Variants in PLXNA2 observed in about 807,000 individuals in gnomAD.
PLXNA2 encodes plexin-A2.
A neutral mutation model predicts 193.5 loss-of-function variants in PLXNA2; 91 were observed. That is an observed-to-expected ratio of 0.47 (90% CI 0.40 to 0.56). PLXNA2 has a LOEUF of 0.56. Among genes scored for constraint, PLXNA2 ranks in the 20% least tolerant of loss-of-function variants. The probability of loss-of-function intolerance (pLI) is 0.00; values close to 1 mark genes in which losing one functional copy is unlikely to be tolerated. For missense variants in PLXNA2, 1,995 were observed against 2,503.2 expected, an observed-to-expected ratio of 0.80 and a Z score of 4.33; for synonymous variants, 997 against 1,027.3, an observed-to-expected ratio of 0.97 and a Z score of 0.56.
rs183818015 is a variant in PLXNA2, at chr1:208,039,595, G to A, written c.4500+26C>T. The A allele has an allele frequency of 5.2e-4, 845 of 1,612,158 alleles. 8 individuals are homozygous for A. In the East Asian group the frequency reaches 5.6e-3, roughly 11 times the overall value. ...GGGCAGAAGTAGAAGATACACAGGC[G>A]GGCCCGGAGCTTCCGGCTTCCTCAC... is the stretch of plus-strand genomic sequence containing the variant. On this transcript the variant is annotated intron_variant, in intron 24 of 31. Coordinates refer to ENST00000367033, the MANE Select transcript of PLXNA2 (RefSeq NM_025179.4).
At chr1:208,161,768 T>G (rs1473926136) in intron 3 of PLXNA2, among the ~76,000 whole-genome samples, 3 of 152,186 alleles carry the variant, frequency 2.0e-5, no homozygotes, top group African/African-American at 7.2e-5. Flanking sequence ...TCTCATCACA[T>G]TCATCTCCAG....
At chr1:208,077,374 C>G (rs376906142) in intron 12 of PLXNA2, among the ~76,000 whole-genome samples, 1 of 152,146 alleles carries the variant, frequency 6.6e-6, no homozygotes, top group East Asian at 1.9e-4. Context: ...CAGAGCAGCC[C>G]GTCAGCCCCC....
chr1:208,137,623 G>T (rs1668342540), intron 4 of PLXNA2, among the ~76,000 whole-genome samples: 1 of 152,206 alleles, frequency 6.6e-6, no homozygotes, highest in Non-Finnish European at 1.5e-5. Context: ...TCTCAGTGGA[G>T]CACCTGGGCA....
At chr1:208,133,251 A>G (rs144575924) in intron 4 of PLXNA2, among the ~76,000 whole-genome samples, 63 of 152,338 alleles carry the variant, frequency 4.1e-4, no homozygotes, top group African/African-American at 1.3e-3. Context: ...AATACATAGT[A>G]CATCTCTTCT....
intron 3 of PLXNA2, among the ~76,000 whole-genome samples, chr1:208,177,939 T>C (rs185926315): frequency 2.6e-4 from 39 of 152,374 alleles, no homozygotes; most frequent in Admixed American, 5.2e-4. Flanking sequence ...TGGTTATCTG[T>C]GTACAGTGTG....
intron 22 of PLXNA2, among the ~76,000 whole-genome samples, chr1:208,040,954 C>T (rs1380410033): frequency 1.3e-5 from 2 of 152,200 alleles, no homozygotes; most frequent in Non-Finnish European, 2.9e-5. Flanking sequence ...TTTTAACTCC[C>T]TGCACGTGGT....
chr1:208,126,565 T>C (rs2102458122), intron 4 of PLXNA2, among the ~76,000 whole-genome samples: 1 of 152,298 alleles, frequency 6.6e-6, no homozygotes, highest in East Asian at 1.9e-4. Context: ...TGCAAGAACC[T>C]GATGGAGTGG....
intron 3 of PLXNA2, among the ~76,000 whole-genome samples, chr1:208,194,285 G>A (rs1259562379): frequency 6.6e-6 from 1 of 151,632 alleles, no homozygotes; most frequent in Non-Finnish European, 1.5e-5. Context: ...GAGCTGATCT[G>A]GGGGAAAGGG....
chr1:208,038,623 T>C lies in PLXNA2; in HGVS notation c.4661-149A>G. 1 of 790,578 alleles carries C rather than the reference T, an allele frequency of 1.3e-6. No homozygotes were observed. The allele number at this position is 790,578 out of a possible 1,614,324, so 49.0% of individuals were successfully genotyped here. Reference sequence around the variant, plus strand: ...GAGGCTAGAGACATCTAGGGCTCCATGGGCCCAGGCAGCAGAGGAAACACG... The same window carrying C: ...GAGGCTAGAGACATCTAGGGCTCCACGGGCCCAGGCAGCAGAGGAAACACG... On this transcript the variant is annotated intron_variant, in intron 25 of 31. Coordinates refer to ENST00000367033, the MANE Select transcript of PLXNA2 (RefSeq NM_025179.4). The surrounding 1 kb of genome is among the most constrained non-coding windows in gnomAD (Gnocchi z 4.1).
At chr1:208,172,801 G>C (rs190641709) in intron 3 of PLXNA2, among the ~76,000 whole-genome samples, 2 of 152,288 alleles carry the variant, frequency 1.3e-5, no homozygotes, top group Non-Finnish European at 1.5e-5. Flanking sequence ...GGACACTTTT[G>C]GGCAGCATTA....
At position 208,045,973 on chromosome 1, in the gene PLXNA2, CGTT is replaced by C. The variant is rs750823577; in HGVS notation, c.3397_3399del (p.Asn1133del). 2.5e-6 allele frequency: 4 copies of C among 1,614,076 alleles called. No individual in the cohort carries two copies. Among genetic ancestry groups the C allele is most frequent in the Admixed American group, 1.7e-5 (1 of 60,012 alleles). On this transcript the variant is annotated inframe_deletion, in exon 18 of 32. Coordinates refer to ENST00000367033, the MANE Select transcript of PLXNA2 (RefSeq NM_025179.4). ...TTGGGGTAGTAGATAAACTTGGTGT[CGTT>C]GTAAATTAGCAAGGATTGGACATTG...
At chr1:208,118,881 G>A (rs1307222120) in intron 4 of PLXNA2, among the ~76,000 whole-genome samples, 1 of 152,118 alleles carries the variant, frequency 6.6e-6, no homozygotes, top group African/African-American at 2.4e-5. Flanking sequence ...TAATTTTGGA[G>A]TCATAACTGA....
At chr1:208,135,147 G>A (rs920241984) in intron 4 of PLXNA2, among the ~76,000 whole-genome samples, 1 of 151,916 alleles carries the variant, frequency 6.6e-6, no homozygotes, top group Non-Finnish European at 1.5e-5. Flanking sequence ...AAACAATGCA[G>A]AGAATTTCTT....
chr1:208,035,914 G>T (rs1259876676), intron 26 of PLXNA2, among the ~76,000 whole-genome samples: 1 of 152,192 alleles, frequency 6.6e-6, no homozygotes, highest in Non-Finnish European at 1.5e-5. Flanking sequence ...CTATAAATCT[G>T]CAGAAGCCTG....
intron 4 of PLXNA2, 146 bp from the exon 5 acceptor site, chr1:208,103,393 C>T (rs1667162204): frequency 3.3e-6 from 2 of 613,342 alleles, no homozygotes; most frequent in Admixed American, 6.1e-5. Context: ...CCTCAATGTC[C>T]CCAATCTCTT....
At chr1:208,035,713 T>G (rs1312001252) in intron 26 of PLXNA2, among the ~76,000 whole-genome samples, 3 of 152,184 alleles carry the variant, frequency 2.0e-5, no homozygotes, top group Non-Finnish European at 4.4e-5. Flanking sequence ...TTTTAACAAT[T>G]TTTATGAACT....
At chr1:208,142,499 C>T (rs1430771174) in intron 3 of PLXNA2, 36 bp from the exon 4 acceptor site, 1 of 1,563,308 alleles carries the variant, frequency 6.4e-7, no homozygotes. Context: ...AGCATCTGCC[C>T]TCAGTATTCC....
At chr1:208,056,128 G>T (rs936375443) in intron 13 of PLXNA2, among the ~76,000 whole-genome samples, 1 of 152,234 alleles carries the variant, frequency 6.6e-6, no homozygotes, top group East Asian at 1.9e-4. Flanking sequence ...TGTGGTTAAC[G>T]ACTCTCTCAT....
intron 14 of PLXNA2, among the ~76,000 whole-genome samples, chr1:208,053,369 C>T (rs1333087594): frequency 6.6e-6 from 1 of 152,158 alleles, no homozygotes; most frequent in African/African-American, 2.4e-5. Context: ...TGACATTCTC[C>T]CCAGCTAGTT....
Sources: gnomAD v4.1 joint callset for allele counts (sites outside exome capture counted in the v4.1 genomes callset) on GRCh38, gnomAD v4.1.1 for gene constraint, Gnocchi (gnomAD v3.1) non-coding constraint, MANE v1.5 for transcripts, NCBI Gene and HGNC (gene_info 2026-07-23, HGNC 2026-07-21) for gene names.